SULF2: variants seen among roughly 807,000 people sequenced by gnomAD.
SULF2 encodes the protein extracellular sulfatase Sulf-2.
A neutral mutation model predicts 107.7 loss-of-function variants in SULF2; 52 were observed. That is an observed-to-expected ratio of 0.48 (90% CI 0.39 to 0.61). The LOEUF (loss-of-function observed/expected upper bound fraction) is 0.61. Among genes scored for constraint, SULF2 ranks in the 20% least tolerant of loss-of-function variants. The pLI is 0.00. For missense variants in SULF2, 993 were observed against 1,177.3 expected (o/e 0.84, Z 2.29); for synonymous variants, 460 against 464.3 (o/e 0.99, Z 0.12).
At chr20:47,687,476 C>T (rs1338479941) in intron 5 of SULF2, among the ~76,000 whole-genome samples, 2 of 152,178 alleles carry the variant, frequency 1.3e-5, no homozygotes, top group Non-Finnish European at 2.9e-5. Context: ...ATGGTGGTGT[C>T]CTCACAGCCC....
Position 47,709,629 on chromosome 20 carries a change from C to T in SULF2, c.416-6959G>A, listed in dbSNP as rs192444325. Reference sequence around the variant, plus strand: ...GTGACCCAAGCTGGGCCAACTGCAGCGAGTCAGCCCTGGGATTTTTAGGGA... The same window carrying T: ...GTGACCCAAGCTGGGCCAACTGCAGTGAGTCAGCCCTGGGATTTTTAGGGA... On this transcript the variant is annotated intron_variant, in intron 3 of 20. Coordinates refer to ENST00000688720, the MANE Select transcript of SULF2 (RefSeq NM_001387048.1). 2.6e-4 allele frequency among the ~76,000 whole-genome samples: 40 copies of T among 152,232 alleles called. No homozygotes were observed. In the East Asian group the frequency reaches 5.8e-3, roughly 22 times the overall value.
intron 4 of SULF2, 117 bp from the exon 5 acceptor site, chr20:47,690,412 C>G (rs962199941): frequency 1.3e-6 from 1 of 746,982 alleles, no homozygotes; most frequent in Non-Finnish European, 1.9e-6. Flanking sequence ...AAAACAATTT[C>G]TGCCCTTCTG....
Position 47,661,849 on chromosome 20 carries a change from T to C in SULF2, c.2418A>G (p.Leu806=). ...TCCTCAGCTCCATGAGCTGTACGTG[T>C]AGCTGGTTGAGGACATCCCTGTCCA... ...NTLDRDVLNQ[L]HVQLMELRSC... The change falls in exon 18 of 21, where the codon CTA becomes CTG. Residue 806 remains leucine, a synonymous_variant. Transcript: ENST00000688720. 1.3e-6 allele frequency: 2 copies of C among 1,595,674 alleles called. No individual in the cohort carries two copies. Among genetic ancestry groups the C allele is most frequent in the Non-Finnish European group, 1.7e-6 (2 of 1,167,738 alleles).
upstream of SULF2, chr20:47,786,410 G>A (rs1450928880): frequency 6.6e-6 from 1 of 152,026 alleles, no homozygotes; most frequent in African/African-American, 2.4e-5. Flanking sequence ...CACAGGACTC[G>A]CCCCGGTCTG....
At chr20:47,719,483 T>C (rs973058406) in intron 3 of SULF2, among the ~76,000 whole-genome samples, 1 of 152,162 alleles carries the variant, frequency 6.6e-6, no homozygotes, top group African/African-American at 2.4e-5. Context: ...CATCTGACCA[T>C]CACCCATCAG....
chr20:47,762,276 C>T (rs1176103120), intron 1 of SULF2, among the ~76,000 whole-genome samples: 3 of 152,184 alleles, frequency 2.0e-5, no homozygotes, highest in Non-Finnish European at 4.4e-5. Flanking sequence ...GAGAGACAGA[C>T]GTGGAGTGCT....
At position 47,678,101 on chromosome 20, in the gene SULF2, C is replaced by G. The variant is rs116254216; in HGVS notation, c.1193+575G>C. 1 of 152,412 alleles carries G rather than the reference C, an allele frequency of 6.6e-6. No individual in the cohort carries two copies. The highest frequency in any genetic ancestry group is 2.4e-5 in the African/African-American group (1 of 41,456). The allele number at this position is 152,412 out of a possible 1,614,324, so 9.4% of individuals were successfully genotyped here. On this transcript the variant is annotated intron_variant, in intron 8 of 20. Transcript: ENST00000688720. This position sits in a 1 kb window ranked among gnomAD's most constrained non-coding sequence, Gnocchi z 4.5. ...CACCTGTCTGACTTGCTCACCCTCA[C>G]GGTTCCTATTCTGCCTCTCTGGACA...
At chr20:47,712,758 G>A (rs796831573) in intron 3 of SULF2, among the ~76,000 whole-genome samples, 1 of 152,380 alleles carries the variant, frequency 6.6e-6, no homozygotes, top group East Asian at 1.9e-4. Flanking sequence ...TCTAGGCCTG[G>A]TGTGGTGGCT....
intron 7 of SULF2, among the ~76,000 whole-genome samples, chr20:47,682,000 T>A (rs574947112): frequency 1.3e-5 from 2 of 152,154 alleles, no homozygotes; most frequent in Admixed American, 1.3e-4. Context: ...TGAATTATTA[T>A]GTAGTTCTTA....
chr20:47,702,650 T>C lies in SULF2; in HGVS notation c.436A>G (p.Asn146Asp). 6.2e-7 allele frequency: 1 copy of C among 1,613,974 alleles called. No individual in the cohort carries two copies. Among genetic ancestry groups the C allele is most frequent in the Non-Finnish European group, 8.5e-7 (1 of 1,180,014 alleles). Residue 146 changes from asparagine (N) to aspartate (D), a missense_variant, in exon 4 of 21, where the codon AAT becomes GAT. Coordinates refer to ENST00000688720, the MANE Select transcript of SULF2 (RefSeq NM_001387048.1). ...GGCACGTAGGAGCCGTTGTATTCATTAAGATACTTCCCGAAGAAAGCTGCG... is the reference window on the plus strand; with the variant it reads ...GGCACGTAGGAGCCGTTGTATTCATCAAGATACTTCCCGAAGAAAGCTGCG... The part of the protein sequence containing the change: ...YRTAFFGKYL[N>D]EYNGSYVPPG...
At chr20:47,702,925 T>C (rs931257551) in intron 3 of SULF2, among the ~76,000 whole-genome samples, 1 of 152,260 alleles carries the variant, frequency 6.6e-6, no homozygotes, top group Non-Finnish European at 1.5e-5. Flanking sequence ...TCTTTTATTT[T>C]TTATTTTTGA....
intron 11 of SULF2, among the ~76,000 whole-genome samples, chr20:47,671,700 C>T (rs1464135751): frequency 1.3e-5 from 2 of 152,164 alleles, no homozygotes; most frequent in African/African-American, 4.8e-5. Flanking sequence ...CCAATCAATA[C>T]AGAACCTTGT....
chr20:47,664,125 C>G lies in SULF2; in HGVS notation c.2057+5G>C, dbSNP rs1213955323. 1 of 1,613,632 alleles carries G rather than the reference C, an allele frequency of 6.2e-7. No individual in the cohort carries two copies. The highest frequency in any genetic ancestry group is 1.7e-5 in the Admixed American group (1 of 59,962). On this transcript the variant is annotated splice_donor_5th_base_variant and intron_variant, in intron 15 of 20. Coordinates refer to ENST00000688720, the MANE Select transcript of SULF2 (RefSeq NM_001387048.1). ...CTCTTCCCCAGGACCTCAAGCTGCT[C>G]TTACCTGAAAGGATGCAGACTGGAG...
At chr20:47,660,793 A>T (rs566750479) in intron 18 of SULF2, among the ~76,000 whole-genome samples, 2 of 151,942 alleles carry the variant, frequency 1.3e-5, no homozygotes, top group East Asian at 1.9e-4. Context: ...ATCTTAAAAT[A>T]TCTATCTGGT....
At position 47,738,368 on chromosome 20, in the gene SULF2, T is replaced by C. The variant is rs183809809; in HGVS notation, c.176-1426A>G. ...TTCTTCTATGGCCATCCTTGGTTTTTCCCCTTTTCCTTGCAGTTCTTAAGG... is the reference window on the plus strand; with the variant it reads ...TTCTTCTATGGCCATCCTTGGTTTTCCCCCTTTTCCTTGCAGTTCTTAAGG... On this transcript the variant is annotated intron_variant, in intron 2 of 20. Transcript: ENST00000688720. Among the ~76,000 whole-genome samples the C allele has an allele frequency of 1.2e-3, 188 of 152,336 alleles. 2 individuals carry two copies. Among genetic ancestry groups the C allele is most frequent in the African/African-American group, 3.9e-3 (163 of 41,576 alleles).
chr20:47,757,370 T>C lies in SULF2; in HGVS notation c.-7A>G, dbSNP rs1423514725. The C allele has an allele frequency of 3.2e-6, 5 of 1,577,272 alleles. No homozygotes were observed. The highest frequency in any genetic ancestry group is 4.3e-6 in the Non-Finnish European group (5 of 1,157,896). On this transcript the variant is annotated 5_prime_UTR_variant, in exon 2 of 21. Transcript: ENST00000688720. ...CGAGGCTCGGGGGGCCCATCTTCTT[T>C]TTTTGCTGATCTGGTGCTTCTTTTG...
chr20:47,694,251 C>T lies in SULF2; in HGVS notation c.568-3956G>A, dbSNP rs80063724. Among the ~76,000 whole-genome samples the T allele has an allele frequency of 0.027, 4,033 of 152,176 alleles. 62 individuals are homozygous for T. Among genetic ancestry groups the T allele is most frequent in the Non-Finnish European group, 0.037 (2,521 of 67,982 alleles). The stretch of plus-strand genomic sequence containing the variant: ...CCAGGGTGGCGGGGGCAGCATCCAG[C>T]GATGCTCAGGGGCAGCCAGGACAGC... On this transcript the variant is annotated intron_variant, in intron 4 of 20. Coordinates refer to ENST00000688720, the MANE Select transcript of SULF2 (RefSeq NM_001387048.1). This position sits in a 1 kb window ranked among gnomAD's most constrained non-coding sequence, Gnocchi z 4.4.
In SULF2 at chr20:47,664,169, C is replaced by A. The variant is rs760581100; in HGVS notation, c.2018G>T (p.Gly673Val). ...HKISYHTQHK[G>V]RLKHRGSSLH... Reference sequence around the variant, plus strand: ...ACTGGAGCCTCTGTGCTTGAGGCGGCCTTTGTGCTGGGTGTGGTAGCTGTA... The same window carrying A: ...ACTGGAGCCTCTGTGCTTGAGGCGGACTTTGTGCTGGGTGTGGTAGCTGTA... Residue 673 changes from glycine (G) to valine (V), a missense_variant, in exon 15 of 21, where the codon GGC becomes GTC. Transcript: ENST00000688720. 2 of 1,613,096 alleles carry A rather than the reference C, an allele frequency of 1.2e-6. No individual in the cohort carries two copies. Among genetic ancestry groups the A allele is most frequent in the East Asian group, 2.2e-5 (1 of 44,882 alleles).
chr20:47,712,807 G>A (rs1444994977), intron 3 of SULF2, among the ~76,000 whole-genome samples: 1 of 152,346 alleles, frequency 6.6e-6, no homozygotes, highest in South Asian at 2.1e-4. Flanking sequence ...GCCAAGATGG[G>A]CAGATTGCTT....
Sources: gnomAD v4.1 joint callset for allele counts (sites outside exome capture counted in the v4.1 genomes callset) on GRCh38, gnomAD v4.1.1 for gene constraint, Gnocchi (gnomAD v3.1) non-coding constraint, MANE v1.5 for transcripts, NCBI Gene and HGNC (gene_info 2026-07-23, HGNC 2026-07-21) for gene names.